SCAMP1: variants seen among roughly 807,000 people sequenced by gnomAD.
SCAMP1 encodes the protein secretory carrier-associated membrane protein 1.
In SCAMP1, 15 loss-of-function variants were observed where a neutral mutation model predicts 41.8. The observed-to-expected ratio is 0.36, with a 90% confidence interval of 0.24 to 0.55. The LOEUF (loss-of-function observed/expected upper bound fraction) is 0.55, where lower values mean the gene tolerates loss of function less well. Among genes scored for constraint, SCAMP1 ranks in the 20% least tolerant of loss-of-function variants. The probability of loss-of-function intolerance (pLI) is 0.86; values close to 1 mark genes in which losing one functional copy is unlikely to be tolerated. For synonymous variants in SCAMP1, 135 were observed against 136.8 expected (o/e 0.99, Z 0.09); for missense variants, 341 against 412.6 (o/e 0.83, Z 1.50).
intron 2 of SCAMP1, among the ~76,000 whole-genome samples, chr5:78,414,012 T>G (rs951743497): frequency 1.3e-4 from 20 of 152,090 alleles, no homozygotes; most frequent in African/African-American, 4.8e-4. Context: ...CTTTTCATGT[T>G]CCCATCCTTG....
intron 6 of SCAMP1, among the ~76,000 whole-genome samples, chr5:78,442,739 A>C (rs531916096): frequency 6.6e-6 from 1 of 152,210 alleles, no homozygotes; most frequent in Non-Finnish European, 1.5e-5. Flanking sequence ...ATTGAGTATC[A>C]ATTCAAATGT....
At chr5:78,462,063 TTCTTC>T (rs1753629813) in intron 8 of SCAMP1, among the ~76,000 whole-genome samples, 2 of 152,224 alleles carry the variant, frequency 1.3e-5, no homozygotes, top group African/African-American at 4.8e-5. Context: ...ACAATATTGA[TTCTTC>T]TAATCCATGA....
intron 8 of SCAMP1, among the ~76,000 whole-genome samples, chr5:78,466,340 G>GC (rs1026774355): frequency 1.3e-5 from 2 of 152,174 alleles, no homozygotes; most frequent in African/African-American, 2.4e-5. Context: ...AGTATAGGGA[G>GC]CAGAGGGACA....
At chr5:78,432,026 C>T (rs1349539191) in intron 6 of SCAMP1, among the ~76,000 whole-genome samples, 6 of 152,024 alleles carry the variant, frequency 3.9e-5, no homozygotes, top group Admixed American at 3.3e-4. Context: ...ACAATAGTCA[C>T]CCTGTCGTGC....
chr5:78,458,911 A>G (rs1753508231), intron 7 of SCAMP1, among the ~76,000 whole-genome samples: 1 of 152,238 alleles, frequency 6.6e-6, no homozygotes, highest in African/African-American at 2.4e-5. Context: ...TTCAAAACTC[A>G]TAAGCTTAAA....
chr5:78,375,777 T>C (rs1206215780), intron 1 of SCAMP1, among the ~76,000 whole-genome samples: 2 of 152,180 alleles, frequency 1.3e-5, no homozygotes, highest in Non-Finnish European at 2.9e-5. Flanking sequence ...TTTGCTAACA[T>C]AATTGAATTT....
At chr5:78,431,480 C>T (rs1434317413) in intron 6 of SCAMP1, among the ~76,000 whole-genome samples, 1 of 148,258 alleles carries the variant, frequency 6.7e-6, no homozygotes, top group Non-Finnish European at 1.5e-5. Context: ...GTCATTTTAC[C>T]ATCTATTTTC....
At chr5:78,469,074 A>G (rs1360221949) in intron 8 of SCAMP1, among the ~76,000 whole-genome samples, 11 of 152,218 alleles carry the variant, frequency 7.2e-5, no homozygotes, top group Admixed American at 6.6e-4. Flanking sequence ...GTTTGGTTGG[A>G]AAAAAATCAC....
At chr5:78,416,483 A>C in intron 3 of SCAMP1, 58 bp from the exon 4 acceptor site, 3 of 1,283,728 alleles carry the variant, frequency 2.3e-6, no homozygotes, top group Non-Finnish European at 3.2e-6. Context: ...TAGCATATAA[A>C]TGTTAAAGTA....
At chr5:78,446,327 C>T (rs1753050898) in intron 6 of SCAMP1, among the ~76,000 whole-genome samples, 1 of 152,134 alleles carries the variant, frequency 6.6e-6, no homozygotes, top group Non-Finnish European at 1.5e-5. Context: ...TACAGTTAGG[C>T]AGTTTCAGCT....
intron 2 of SCAMP1, among the ~76,000 whole-genome samples, chr5:78,392,371 G>C (rs1223993896): frequency 6.6e-6 from 1 of 152,202 alleles, no homozygotes; most frequent in African/African-American, 2.4e-5. Context: ...CGTGTTATCT[G>C]TAAAGCTTTT....
At chr5:78,460,691 G>T (rs1753562854) in intron 8 of SCAMP1, among the ~76,000 whole-genome samples, 1 of 116,654 alleles carries the variant, frequency 8.6e-6, no homozygotes, top group African/African-American at 3.1e-5. Context: ...CCATCCTGTA[G>T]ATTGTCTCTT....
At chr5:78,385,395 C>A (rs1751316320) in intron 1 of SCAMP1, among the ~76,000 whole-genome samples, 1 of 151,980 alleles carries the variant, frequency 6.6e-6, no homozygotes, top group Non-Finnish European at 1.5e-5. Context: ...TTTCAAAGAA[C>A]CAGCTTTTTG....
rs114571671 is a variant in SCAMP1 at position 78,416,102 on chromosome 5, A to G, written c.235-439A>G. On this transcript the variant is annotated intron_variant, in intron 3 of 8. Transcript: ENST00000621999. ...ACCTCATTCTCCTATAACATTTAAG[A>G]TATTAGAAAATATTCTTGCATTGGT... is the stretch of plus-strand genomic sequence containing the variant. Among the ~76,000 whole-genome samples the G allele has an allele frequency of 8.8e-3, 1,344 of 152,310 alleles. 15 individuals are homozygous for G. The highest frequency in any genetic ancestry group is 0.03 in the African/African-American group (1,266 of 41,568).
chr5:78,390,172 A>G (rs1337748272), intron 2 of SCAMP1, among the ~76,000 whole-genome samples: 2 of 152,208 alleles, frequency 1.3e-5, no homozygotes, highest in African/African-American at 2.4e-5. Context: ...GATGGTGTCC[A>G]AAGAGTTGGG....
intron 8 of SCAMP1, among the ~76,000 whole-genome samples, chr5:78,475,120 C>T (rs773068274): frequency 6.6e-6 from 1 of 152,118 alleles, no homozygotes; most frequent in African/African-American, 2.4e-5. Context: ...GTACTGTTCT[C>T]TCTGAATAGT....
intron 1 of SCAMP1, 80 bp downstream of exon 1, chr5:78,360,808 G>C (rs1468188879): frequency 7.2e-7 from 1 of 1,393,444 alleles, no homozygotes; most frequent in African/African-American, 1.4e-5. Flanking sequence ...CGCGCCCACT[G>C]CGTCTGCCCC....
intron 6 of SCAMP1, among the ~76,000 whole-genome samples, chr5:78,434,298 C>T (rs1035794691): frequency 2.0e-5 from 3 of 152,198 alleles, no homozygotes. Context: ...TAAACAAGTG[C>T]TAGTCTTTTA....
chr5:78,454,666 A>G (rs970752513), intron 7 of SCAMP1, among the ~76,000 whole-genome samples: 1 of 152,138 alleles, frequency 6.6e-6, no homozygotes, highest in African/African-American at 2.4e-5. Context: ...TGTCTCTGCC[A>G]GGCTTTGGTA....
Sources: allele counts gnomAD v4.1 joint callset (sites outside exome capture counted in the v4.1 genomes callset), GRCh38; gene constraint gnomAD v4.1.1; transcripts MANE v1.5; gene names NCBI Gene and HGNC (gene_info 2026-07-23, HGNC 2026-07-21).